The following TEX11 variants were observed in gnomAD, a reference collection of about 807,000 sequenced individuals.
TEX11 encodes the protein testis expressed 11.
In TEX11, 7 loss-of-function variants were observed where a neutral mutation model predicts 84.4. The observed-to-expected ratio is 0.08, with a 90% confidence interval of 0.05 to 0.16. The LOEUF (loss-of-function observed/expected upper bound fraction) is 0.16, where lower values mean the gene tolerates loss of function less well. Ranked by LOEUF, TEX11 falls within the 10% of genes least tolerant of loss-of-function variation. The pLI is 1.00. For synonymous variants in TEX11, 264 were observed against 222.8 expected (o/e 1.18, Z -1.64); for missense variants, 551 against 660.5 (o/e 0.83, Z 1.82).
At chrX:70,544,846 A>C (rs5980963) in intron 28 of TEX11, among the ~76,000 whole-genome samples, 8 of 103,498 alleles carry the variant, frequency 7.7e-5, no homozygotes, top group Non-Finnish European at 1.2e-4. Context: ...CAAAAAAAAA[A>C]AAAAAAAAAA....
At chrX:70,568,041 A>C (rs961175551) in intron 25 of TEX11, among the ~76,000 whole-genome samples, 5 of 111,192 alleles carry the variant, frequency 4.5e-5, no homozygotes, top group Non-Finnish European at 9.4e-5. Context: ...TGGGAGTCTA[A>C]GTCTCTTTGT....
chrX:70,809,561 C>T (rs1269546859), intron 8 of TEX11, among the ~76,000 whole-genome samples: 2 of 111,289 alleles, frequency 1.8e-5, no homozygotes, highest in East Asian at 5.6e-4. Context: ...AGCAGCACAG[C>T]AGTATAAGAA....
At chrX:70,596,189 T>C (rs9969965) in intron 24 of TEX11, among the ~76,000 whole-genome samples, 9,277 of 111,343 alleles carry the variant, frequency 0.083, 853 homozygotes, top group African/African-American at 0.27. Context: ...CTTTTATTAG[T>C]TGGAGACTTC....
At chrX:70,745,261 G>A (rs1465750846) in intron 9 of TEX11, among the ~76,000 whole-genome samples, 1 of 109,709 alleles carries the variant, frequency 9.1e-6, no homozygotes, top group Non-Finnish European at 1.9e-5. Context: ...ATTATCTATG[G>A]GACATTCCAG....
intron 25 of TEX11, among the ~76,000 whole-genome samples, chrX:70,581,997 G>A (rs1448374275): frequency 1.8e-5 from 2 of 111,404 alleles, no homozygotes; most frequent in East Asian, 2.8e-4. Context: ...GAGGTTTTCC[G>A]CATGTATGTT....
At chrX:70,568,406 A>C (rs1327828254) in intron 25 of TEX11, among the ~76,000 whole-genome samples, 2 of 109,956 alleles carry the variant, frequency 1.8e-5, no homozygotes, top group Admixed American at 9.7e-5. Context: ...TCCATTTACA[A>C]TTAAAGTTAA....
intron 9 of TEX11, among the ~76,000 whole-genome samples, chrX:70,798,027 G>GC (rs1422020514): frequency 1.8e-4 from 5 of 28,386 alleles, no homozygotes; most frequent in African/African-American, 3.2e-4. Context: ...GGCAAGATGA[G>GC]GGGGGGGGAA....
At chrX:70,636,318 G>A (rs1262806810) in intron 17 of TEX11, among the ~76,000 whole-genome samples, 1 of 110,839 alleles carries the variant, frequency 9.0e-6, no homozygotes, top group Non-Finnish European at 1.9e-5. Context: ...GCCAGCTCCA[G>A]GCTCTAGGAC....
intron 16 of TEX11, among the ~76,000 whole-genome samples, chrX:70,658,213 C>T (rs1186812531): frequency 1.8e-5 from 2 of 111,124 alleles, no homozygotes; most frequent in South Asian, 3.8e-4. Flanking sequence ...TCAGGAGTTC[C>T]GCCTGGCCAG....
At chrX:70,845,327 C>T (rs2091472948) in intron 7 of TEX11, among the ~76,000 whole-genome samples, 1 of 109,303 alleles carries the variant, frequency 9.1e-6, no homozygotes, top group South Asian at 4.1e-4. Context: ...ATGCCCAGCC[C>T]ACGTTTATAT....
chrX:70,787,026 C>T (rs1056016616), intron 9 of TEX11, among the ~76,000 whole-genome samples: 13 of 110,856 alleles, frequency 1.2e-4, no homozygotes, highest in Non-Finnish European at 2.5e-4. Flanking sequence ...TCCAGCCACT[C>T]GGGAGGCTGA....
At chrX:70,579,857 C>T (rs781019948) in intron 25 of TEX11, among the ~76,000 whole-genome samples, 22 of 111,567 alleles carry the variant, frequency 2.0e-4, no homozygotes, top group Non-Finnish European at 2.6e-4. Flanking sequence ...CAAATGCTGG[C>T]GATGACATGG....
the TEX11 span, among the ~76,000 whole-genome samples, chrX:70,512,976 G>A: frequency 1.8e-5 from 2 of 109,101 alleles, no homozygotes; most frequent in African/African-American, 6.8e-5. Flanking sequence ...GGACTATAAA[G>A]TTGTGGGCAG....
intron 7 of TEX11, among the ~76,000 whole-genome samples, chrX:70,845,899 C>T (rs1311353727): frequency 9.0e-6 from 1 of 111,314 alleles, no homozygotes; most frequent in East Asian, 2.8e-4. Context: ...CTCCAGATAA[C>T]CATCACACTT....
At chrX:70,757,509 T>C (rs1013230753) in intron 9 of TEX11, among the ~76,000 whole-genome samples, 1 of 111,640 alleles carries the variant, frequency 9.0e-6, no homozygotes, top group African/African-American at 3.3e-5. Flanking sequence ...GAATTTCATA[T>C]CCAGCCAAAC....
At chrX:70,520,444 G>A in the TEX11 span, among the ~76,000 whole-genome samples, 3 of 111,975 alleles carry the variant, frequency 2.7e-5, no homozygotes, top group African/African-American at 3.3e-5. Context: ...GGTAACAGCC[G>A]TGGAGGCTGC....
chrX:70,834,354 C>T (rs1422401112), intron 7 of TEX11, among the ~76,000 whole-genome samples: 1 of 111,555 alleles, frequency 9.0e-6, no homozygotes, highest in Non-Finnish European at 1.9e-5. Flanking sequence ...AGACTATCTG[C>T]AGGGTTCCTT....
chrX:70,808,417 C>T (rs376136954), intron 8 of TEX11, among the ~76,000 whole-genome samples: 4 of 108,273 alleles, frequency 3.7e-5, no homozygotes, highest in African/African-American at 1.0e-4. Flanking sequence ...GCAGGAGAAT[C>T]GCTTGAACCC....
intron 1 of TEX11, among the ~76,000 whole-genome samples, chrX:70,908,124 A>G (rs2091844273): frequency 9.0e-6 from 1 of 111,700 alleles, no homozygotes; most frequent in Admixed American, 9.5e-5. Context: ...CCAACCGCAC[A>G]TTCAAAGCAT....
Sources: allele counts gnomAD v4.1 joint callset (sites outside exome capture counted in the v4.1 genomes callset), GRCh38; gene constraint gnomAD v4.1.1; transcripts MANE v1.5; gene names NCBI Gene and HGNC (gene_info 2026-07-23, HGNC 2026-07-21).